The following CYP17A1 variants were observed in gnomAD, a reference collection of about 807,000 sequenced individuals.
The protein encoded by CYP17A1 is cytochrome P450 family 17 subfamily A member 1.
Under a neutral mutation model 38.5 loss-of-function variants are expected in CYP17A1, and 27 were observed. That is an observed-to-expected ratio of 0.70 (90% confidence interval 0.52 to 0.97). The LOEUF is 0.97. CYP17A1 is among the 50% of genes least tolerant of loss of function. The pLI, the probability that CYP17A1 is intolerant of heterozygous loss-of-function variation, is 0.00. For missense variants in CYP17A1, 549 were observed against 645.9 expected, an observed-to-expected ratio of 0.85 and a Z score of 1.63; for synonymous variants, 263 against 253.3, an observed-to-expected ratio of 1.04 and a Z score of -0.36.
chr10:102,834,722 A>C lies in CYP17A1; in HGVS notation c.666+63T>G, dbSNP rs533771699. ...GGCTGGAGCAGGGAAGTAAAAAGGA[A>C]GGAAGATTGGGGACAATGTCAGGGT... is the stretch of plus-strand genomic sequence containing the variant. On this transcript the variant is annotated intron_variant, in intron 3 of 7. Coordinates refer to ENST00000369887, the MANE Select transcript of CYP17A1 (RefSeq NM_000102.4). The C allele has an allele frequency of 3.7e-6, 6 of 1,612,974 alleles. No homozygotes were observed. The East Asian group carries it at 1.3e-4, about 36-fold the overall frequency.
rs371825363 is a variant in CYP17A1, at chr10:102,830,884, G to A, written c.1345C>T (p.Arg449Cys). Reference sequence around the variant, plus strand: ...GCCATGATGAGGAAGAGCTCCTGGCGGGCCAGGATCTCACCTATACAGGAG... The same window carrying A: ...GCCATGATGAGGAAGAGCTCCTGGCAGGCCAGGATCTCACCTATACAGGAG... Reference protein sequence around the residue: ...PRSCIGEILARQELFLIMAWL... With the variant: ...PRSCIGEILACQELFLIMAWL... Residue 449 changes from arginine to cysteine, a missense_variant, in exon 8 of 8, where the codon CGC becomes TGC. Coordinates refer to ENST00000369887, the MANE Select transcript of CYP17A1 (RefSeq NM_000102.4). The surrounding 1 kb of genome is among the most constrained non-coding windows in gnomAD (Gnocchi z 4.1). 5.1e-6 allele frequency: 8 copies of A among 1,578,752 alleles called. No homozygotes were observed. Among genetic ancestry groups the A allele is most frequent in the South Asian group, 1.1e-5 (1 of 87,616 alleles).
At chr10:102,834,291 C>T (rs1844129566) in intron 3 of CYP17A1, 169 bp from the exon 4 acceptor site, 2 of 646,654 alleles carry the variant, frequency 3.1e-6, no homozygotes, top group South Asian at 1.7e-5. Context: ...ACGGGTTTAT[C>T]ATGACGACGA....
At chr10:102,835,525 C>A (rs951562762) in intron 1 of CYP17A1, 133 bp from the exon 2 acceptor site, 5 of 791,272 alleles carry the variant, frequency 6.3e-6, no homozygotes, top group Admixed American at 3.5e-5. Flanking sequence ...GTGGGCACAG[C>A]CCCACTGCAC....
intron 7 of CYP17A1, 46 bp downstream of exon 7, chr10:102,831,462 T>A (rs775062959): frequency 2.5e-6 from 4 of 1,609,780 alleles, no homozygotes; most frequent in Non-Finnish European, 2.5e-6. Context: ...TGGAGCAGAG[T>A]CCAGGCTCGC....
chr10:102,831,001 G>T lies in CYP17A1; in HGVS notation c.1244-16C>A. On this transcript the variant is annotated splice_polypyrimidine_tract_variant and intron_variant, in intron 7 of 7. Coordinates refer to ENST00000369887, the MANE Select transcript of CYP17A1 (RefSeq NM_000102.4). ...AAGAAACGCTCTGCAGGCAAGGAGTGGCATCAGCCAGGGGTTAGGGCAGGA... is the reference window on the plus strand; with the variant it reads ...AAGAAACGCTCTGCAGGCAAGGAGTTGCATCAGCCAGGGGTTAGGGCAGGA... 6.5e-7 allele frequency: 1 copy of T among 1,545,292 alleles called. No homozygotes were observed. Among genetic ancestry groups the T allele is most frequent in the Non-Finnish European group, 8.8e-7 (1 of 1,136,312 alleles).
chr10:102,834,299 C>T (rs955102675), intron 3 of CYP17A1, 177 bp from the exon 4 acceptor site: 5 of 632,916 alleles, frequency 7.9e-6, no homozygotes, highest in South Asian at 5.4e-5. Context: ...ATCATGACGA[C>T]GAAGACAATT....
Position 102,830,896 on chromosome 10 carries a change from C to T in CYP17A1, c.1333G>A (p.Glu445Lys). The change falls in exon 8 of 8, where the codon GAG (glutamate) becomes AAG (lysine). Residue 445 changes from glutamate to lysine, a missense_variant. Physicochemically the swap from Glu to Lys is moderately conservative, Grantham distance 56. This residue lies in a region of CYP17A1 where 257 missense variants were observed against 307.9 expected (regional missense o/e 0.83). Transcript: ENST00000369887. The surrounding 1 kb of genome is among the most constrained non-coding windows in gnomAD (Gnocchi z 4.1). ...AAGAGCTCCTGGCGGGCCAGGATCT[C>T]ACCTATACAGGAGCGAGGTCCTGCT... ...FGAGPRSCIG[E>K]ILARQELFLI... is the part of the protein sequence containing the mutation. 1 of 1,581,452 alleles carries T rather than the reference C, an allele frequency of 6.3e-7. No homozygotes were observed. The highest frequency in any genetic ancestry group is 8.6e-7 in the Non-Finnish European group (1 of 1,160,326).
intron 7 of CYP17A1, 48 bp downstream of exon 7, chr10:102,831,460 A>C: frequency 6.2e-7 from 1 of 1,609,744 alleles, no homozygotes; most frequent in Non-Finnish European, 8.5e-7. Context: ...GGTGGAGCAG[A>C]GTCCAGGCTC....
At position 102,832,970 on chromosome 10, in the gene CYP17A1, G is replaced by A. The variant is rs771729089; in HGVS notation, c.969+23C>T. The A allele has an allele frequency of 3.1e-6, 5 of 1,613,194 alleles. No homozygotes were observed. The Admixed American group carries it at 6.7e-5, about 22-fold the overall frequency. On this transcript the variant is annotated intron_variant, in intron 5 of 7. Coordinates refer to ENST00000369887, the MANE Select transcript of CYP17A1 (RefSeq NM_000102.4). The stretch of plus-strand genomic sequence containing the variant: ...CAGAGATTGGGCTGGCTGGGGTCTA[G>A]GATCAATGAGGGGGAAGCACACCTG...
intron 7 of CYP17A1, among the ~76,000 whole-genome samples, chr10:102,831,251 G>C (rs550435356): frequency 6.6e-6 from 1 of 152,256 alleles, no homozygotes; most frequent in Non-Finnish European, 1.5e-5. Context: ...GGGGAGAAGG[G>C]ACAGACTTAA....
In CYP17A1 at chr10:102,830,810, C is replaced by T; in HGVS notation, c.1419G>A (p.Leu473=). 6.3e-7 allele frequency: 1 copy of T among 1,592,950 alleles called. No individual in the cohort carries two copies. Among genetic ancestry groups the T allele is most frequent in the Non-Finnish European group, 8.6e-7 (1 of 1,164,684 alleles). Residue 473 remains leucine (L), a synonymous_variant, in exon 8 of 8, where the codon CTG becomes CTA. Transcript: ENST00000369887. This position sits in a 1 kb window ranked among gnomAD's most constrained non-coding sequence, Gnocchi z 4.1. ...FDLEVPDDGQ[L]PSLEGIPKVV... ...CCTTGGGGATGCCTTCCAGGGAGGG[C>T]AGCTGCCCATCATCTGGCACCTCCA...
Position 102,837,171 on chromosome 10 carries a change from T to G in CYP17A1, c.191A>C (p.Tyr64Ser), listed in dbSNP as rs1183147390. 3 of 1,595,832 alleles carry G rather than the reference T, an allele frequency of 1.9e-6. No homozygotes were observed. Among genetic ancestry groups the G allele is most frequent in the Non-Finnish European group, 2.6e-6 (3 of 1,163,316 alleles). ...FKLQKKYGPI[Y>S]SVRMGTKTTV... The stretch of plus-strand genomic sequence containing the variant: ...AGTCTTGGTGCCCATACGAACCGAA[T>G]AGATGGGGCCATATTTTTTCTGCAG... Residue 64 changes from tyrosine (Y) to serine (S), a missense_variant, in exon 1 of 8, where the codon TAT (tyrosine) becomes TCT (serine). Coordinates refer to ENST00000369887, the MANE Select transcript of CYP17A1 (RefSeq NM_000102.4).
intron 1 of CYP17A1, chr10:102,836,780 G>C (rs1219047348): frequency 2.0e-6 from 1 of 498,024 alleles, no homozygotes; most frequent in Non-Finnish European, 3.7e-6. Flanking sequence ...TCTAGGCTCA[G>C]AGAGAGGAGT....
rs1844124685 is a variant in CYP17A1 at position 102,833,923 on chromosome 10, G to T, written c.753+113C>A. On this transcript the variant is annotated intron_variant, in intron 4 of 7. Transcript: ENST00000369887. ...TCAGTTTTTATTGTACACCTACTAT[G>T]TGCCAGGTTCTCTGCTTGGTTTTGA... The T allele has an allele frequency of 1.7e-5, 12 of 712,262 alleles. No individual in the cohort carries two copies. In the South Asian group the frequency reaches 1.7e-4, roughly 10 times the overall value. 44.1% of individuals were successfully genotyped at this position (712,262 alleles called of 1,614,324 possible). A position where few individuals can be genotyped will look rare whatever the true frequency, so the allele number is the denominator to read the frequency against.
chr10:102,834,191 C>T, intron 3 of CYP17A1, 69 bp from the exon 4 acceptor site: 1 of 796,684 alleles, frequency 1.3e-6, no homozygotes, highest in East Asian at 2.5e-5. Context: ...CAGAGTCTCT[C>T]CTGGAGGCGG....
chr10:102,832,588 C>A lies in CYP17A1; in HGVS notation c.1062G>T (p.Glu354Asp). The change falls in exon 6 of 8, where the codon GAG becomes GAT. Residue 354 changes from glutamate (E) to aspartate (D), a missense_variant. Physicochemically the swap from Glu to Asp is conservative, Grantham distance 45. This residue lies in a region of CYP17A1 where 257 missense variants were observed against 307.9 expected (regional missense o/e 0.83). Coordinates refer to ENST00000369887, the MANE Select transcript of CYP17A1 (RefSeq NM_000102.4). ...ISDRNRLLLL[E>D]ATIREVLRLR... ...GGCGAAGCACCTCTCGGATGGTGGC[C>A]TCCAGCAGGAGGAGACGGTTACGGT... is the stretch of plus-strand genomic sequence containing the variant. The A allele has an allele frequency of 6.2e-7, 1 of 1,609,590 alleles. No individual in the cohort carries two copies. Among genetic ancestry groups the A allele is most frequent in the East Asian group, 2.2e-5 (1 of 44,864 alleles).
intron 1 of CYP17A1, among the ~76,000 whole-genome samples, chr10:102,835,825 T>C (rs1342910952): frequency 6.6e-6 from 1 of 152,206 alleles, no homozygotes; most frequent in Admixed American, 6.5e-5. Flanking sequence ...TGCTTTTCCC[T>C]GAGCCCTTAG....
At chr10:102,833,261 C>T (rs1844115809) in intron 4 of CYP17A1, 53 bp from the exon 5 acceptor site, 18 of 1,612,390 alleles carry the variant, frequency 1.1e-5, no homozygotes, top group Non-Finnish European at 1.4e-5. Flanking sequence ...CCATCTGTGA[C>T]ACTCCTGCCA....
chr10:102,832,256 T>G (rs577894633), intron 6 of CYP17A1, among the ~76,000 whole-genome samples: 1 of 152,186 alleles, frequency 6.6e-6, no homozygotes, highest in South Asian at 2.1e-4. Context: ...GTATTTTTAG[T>G]AGAGACGGGG....
Sources: allele counts gnomAD v4.1 joint callset (sites outside exome capture counted in the v4.1 genomes callset), GRCh38; gene constraint gnomAD v4.1.1; regional missense constraint gnomAD v4.1.1; non-coding constraint Gnocchi (gnomAD v3.1); transcripts MANE v1.5; gene names NCBI Gene and HGNC (gene_info 2026-07-23, HGNC 2026-07-21).